Variants in TECTA observed in about 807,000 individuals in gnomAD.
TECTA encodes tectorin alpha.
Under a neutral mutation model 216.8 loss-of-function variants are expected in TECTA, and 128 were observed. The ratio of observed to expected loss-of-function variants is 0.59; its 90% confidence interval spans 0.51 to 0.68. TECTA has a LOEUF of 0.68. Ranked by LOEUF, TECTA falls within the 30% of genes least tolerant of loss-of-function variation. TECTA has a pLI of 0.00. For synonymous variants in TECTA, 1,089 were observed against 1,117.1 expected (o/e 0.97, Z 0.50); for missense variants, 2,551 against 2,786.2 (o/e 0.92, Z 1.90).
intron 11 of TECTA, among the ~76,000 whole-genome samples, chr11:121,141,345 C>T (rs901824803): frequency 1.3e-5 from 2 of 152,046 alleles, no homozygotes; most frequent in Admixed American, 1.3e-4. Context: ...CTGCTGTGGC[C>T]CTTAGAAATG....
intron 13 of TECTA, among the ~76,000 whole-genome samples, chr11:121,157,462 G>A (rs1168839275): frequency 2.0e-5 from 3 of 152,052 alleles, no homozygotes; most frequent in African/African-American, 7.2e-5. Context: ...GTGTGGTGGC[G>A]TGTGCTTATA....
At chr11:121,133,508 T>G (rs1946695522) in intron 10 of TECTA, among the ~76,000 whole-genome samples, 1 of 152,232 alleles carries the variant, frequency 6.6e-6, no homozygotes, top group Non-Finnish European at 1.5e-5. Context: ...ACGTTGCATT[T>G]CATTGTCGTG....
intron 12 of TECTA, among the ~76,000 whole-genome samples, chr11:121,150,997 C>T (rs1946884775): frequency 6.6e-6 from 1 of 151,848 alleles, no homozygotes; most frequent in African/African-American, 2.4e-5. Context: ...AAAATTTCAA[C>T]AACATGAAAT....
At chr11:121,181,273 C>G (rs764370415) in intron 20 of TECTA, among the ~76,000 whole-genome samples, 1 of 151,952 alleles carries the variant, frequency 6.6e-6, no homozygotes, top group Non-Finnish European at 1.5e-5. Flanking sequence ...CTGTTTGGTT[C>G]TTTTTATCTG....
chr11:121,188,434 C>T (rs527446099), intron 21 of TECTA, among the ~76,000 whole-genome samples: 1 of 152,308 alleles, frequency 6.6e-6, no homozygotes, highest in Non-Finnish European at 1.5e-5. Flanking sequence ...AGCCAGGCGG[C>T]CTGACTCTAA....
Position 121,168,739 on chromosome 11 carries a change from A to G in TECTA, c.5813A>G (p.Lys1938Arg), listed in dbSNP as rs769992304. 5.0e-6 allele frequency: 8 copies of G among 1,614,106 alleles called. No homozygotes were observed. The highest frequency in any genetic ancestry group is 1.1e-5 in the South Asian group (1 of 91,088). ...GSFITKMALY[K>R]NASYKHPYRQ... ...TTCATCACCAAGATGGCTCTCTACA[A>G]AAACGCCTCCTACAAACATCCTTAC... The change falls in exon 20 of 24, where the codon AAA becomes AGA. Residue 1938 changes from lysine (K) to arginine (R), a missense_variant. This residue lies in a region of TECTA where 2,375 missense variants were observed against 2,563.9 expected (regional missense o/e 0.93). Coordinates refer to ENST00000392793, the MANE Select transcript of TECTA (RefSeq NM_005422.4).
chr11:121,153,028 G>A lies in TECTA; in HGVS notation c.4253G>A (p.Ser1418Asn), dbSNP rs372376672. Residue 1418 changes from serine to asparagine, a missense_variant, in exon 13 of 24, where the codon AGC becomes AAC. Physicochemically the swap from Ser to Asn is conservative, Grantham distance 46. Around this residue, in one of 3 missense-constraint regions of TECTA, gnomAD observed 2,375 missense variants for 2,563.9 expected, o/e 0.93. Transcript: ENST00000392793. Reference sequence around the variant, plus strand: ...GCTGGCTACGTCCTCAACGGCAAGAGCTGCATCCTGCCCCACAGCTGCGGC... The same window carrying A: ...GCTGGCTACGTCCTCAACGGCAAGAACTGCATCCTGCCCCACAGCTGCGGC... ...CDAGYVLNGK[S>N]CILPHSCGCY... 8.1e-6 allele frequency: 13 copies of A among 1,614,192 alleles called. No homozygotes were observed. Among genetic ancestry groups the A allele is most frequent in the Non-Finnish European group, 1.1e-5 (13 of 1,180,042 alleles).
intron 20 of TECTA, among the ~76,000 whole-genome samples, chr11:121,186,007 C>A (rs199855645): frequency 1.4e-4 from 8 of 58,494 alleles, no homozygotes; most frequent in African/African-American, 2.5e-4. Flanking sequence ...GTAGGGAAAG[C>A]AGATGTTCAA....
rs192532605 is a variant in TECTA at position 121,137,309 on chromosome 11, C to T, written c.2942-112C>T. ...ATACACAAATGCATGCATGCACACACGCACATGCACTCACAAACACACATG... is the reference window on the plus strand; with the variant it reads ...ATACACAAATGCATGCATGCACACATGCACATGCACTCACAAACACACATG... On this transcript the variant is annotated intron_variant, in intron 10 of 23. Transcript: ENST00000392793. 1.5e-3 allele frequency: 1,975 copies of T among 1,358,676 alleles called. 17 individuals are homozygous for T. The highest frequency in any genetic ancestry group is 0.014 in the South Asian group (1,218 of 84,790). 84.2% of individuals were successfully genotyped at this position (1,358,676 alleles called of 1,614,324 possible).
Position 121,189,111 on chromosome 11 carries a change from A to G in TECTA, c.6194A>G (p.Asp2065Gly), listed in dbSNP as rs1177667669. 1.2e-6 allele frequency: 2 copies of G among 1,614,056 alleles called. No individual in the cohort carries two copies. Among genetic ancestry groups the G allele is most frequent in the African/African-American group, 2.7e-5 (2 of 74,930 alleles). The change falls in exon 22 of 24, where the codon GAT (aspartate) becomes GGT (glycine). Residue 2065 changes from aspartate (D) to glycine (G), a missense_variant. Asp to Gly is a moderately conservative substitution (Grantham distance 94). This residue lies in a region of TECTA where 118 missense variants were observed against 116.4 expected (regional missense o/e 1.01). Transcript: ENST00000392793. ...CCACACAATTCCAGGATTGCCACAG[A>G]TTACACAAAAGAGCCCAAAGAACAG... Reference protein sequence around the residue: ...TCPHNSRIATDYTKEPKEQII... With the variant: ...TCPHNSRIATGYTKEPKEQII...
intron 10 of TECTA, among the ~76,000 whole-genome samples, chr11:121,135,678 T>C (rs4936579): frequency 0.26 from 39,339 of 152,134 alleles, 6,263 homozygotes; most frequent in African/African-American, 0.44. Context: ...ATGCAATTTA[T>C]TTCTCTGTAA....
At chr11:121,158,294 G>A in intron 14 of TECTA, 70 bp downstream of exon 14, 2 of 1,592,094 alleles carry the variant, frequency 1.3e-6, no homozygotes, top group South Asian at 2.2e-5. Flanking sequence ...ACTGTGTAGG[G>A]TTCTCCCAGA....
At chr11:121,169,049 T>G (rs919743519) in intron 20 of TECTA, 124 bp downstream of exon 20, 43 of 1,457,366 alleles carry the variant, frequency 3.0e-5, no homozygotes, top group Non-Finnish European at 4.1e-5. Flanking sequence ...AATTTTGCAT[T>G]TATTAATTCA....
rs751815482 is a variant in TECTA, at chr11:121,128,047, C to T, written c.2070C>T (p.Cys690=). 5.8e-5 allele frequency: 94 copies of T among 1,612,464 alleles called. No homozygotes were observed. The Admixed American group carries it at 1.5e-3, about 26-fold the overall frequency. ...ACGTCTACTGCTTCAACAAGACCTGCGGCAGCGGGGAGGTGTGCGCCGTGG... is the reference window on the plus strand; with the variant it reads ...ACGTCTACTGCTTCAACAAGACCTGTGGCAGCGGGGAGGTGTGCGCCGTGG... ...GGDVYCFNKT[C]GSGEVCAVED... The change falls in exon 9 of 24, where the codon TGC becomes TGT. Residue 690 remains cysteine, a synonymous_variant. Transcript: ENST00000392793.
intron 20 of TECTA, among the ~76,000 whole-genome samples, chr11:121,178,682 GTTC>G (rs1388891913): frequency 1.3e-5 from 2 of 152,002 alleles, no homozygotes; most frequent in African/African-American, 4.8e-5. Context: ...ATTGGTATTA[GTTC>G]TTCTTTGTAA....
intron 20 of TECTA, among the ~76,000 whole-genome samples, chr11:121,178,853 A>T (rs1947197192): frequency 6.6e-6 from 1 of 151,694 alleles, no homozygotes; most frequent in Admixed American, 6.6e-5. Context: ...GAATCTATCC[A>T]TTTTCTGTAG....
intron 3 of TECTA, among the ~76,000 whole-genome samples, chr11:121,107,375 C>A: frequency 6.6e-6 from 1 of 152,180 alleles, no homozygotes. Context: ...GTTTCCAACA[C>A]TTTGAGTAGT....
Position 121,118,567 on chromosome 11 carries a change from A to AAGTAGG in TECTA, c.1052_1053insAGTAGG (p.Gln351_Cys352insValGly). On this transcript the variant is annotated inframe_insertion, in exon 7 of 24. Coordinates refer to ENST00000392793, the MANE Select transcript of TECTA (RefSeq NM_005422.4). Reference sequence around the variant, plus strand: ...TCCTGTGCCTACTTGCTGGCCCGACAGTGTTTGCAGACTTCCAGCCTCCCT... The same window carrying AAGTAGG: ...TCCTGTGCCTACTTGCTGGCCCGACAAGTAGGGTGTTTGCAGACTTCCAGCCTCCCT... The AAGTAGG allele has an allele frequency of 7.4e-6, 12 of 1,614,136 alleles. No homozygotes were observed. Among genetic ancestry groups the AAGTAGG allele is most frequent in the Non-Finnish European group, 9.3e-6 (11 of 1,180,032 alleles).
intron 6 of TECTA, among the ~76,000 whole-genome samples, chr11:121,117,141 T>G (rs1408947360): frequency 1.3e-5 from 2 of 152,274 alleles, no homozygotes; most frequent in African/African-American, 4.8e-5. Context: ...TTCTTAATGC[T>G]GTGTCTTTGA....
Sources: allele counts gnomAD v4.1 joint callset (sites outside exome capture counted in the v4.1 genomes callset), GRCh38; gene constraint gnomAD v4.1.1; regional missense constraint gnomAD v4.1.1; transcripts MANE v1.5; gene names NCBI Gene and HGNC (gene_info 2026-07-23, HGNC 2026-07-21).